Variants in ZBTB5 observed in about 807,000 individuals in gnomAD.
The protein encoded by ZBTB5 is zinc finger and BTB domain-containing protein 5.
A neutral mutation model predicts 37.9 loss-of-function variants in ZBTB5; 15 were observed. That is an observed-to-expected ratio of 0.40 (90% CI 0.26 to 0.61). The LOEUF (loss-of-function observed/expected upper bound fraction) is 0.61, where lower values mean the gene tolerates loss of function less well. Among genes scored for constraint, ZBTB5 ranks in the 20% least tolerant of loss-of-function variants. The pLI is 0.47. For synonymous variants in ZBTB5, 315 were observed against 312.4 expected (o/e 1.01, Z -0.09); for missense variants, 708 against 856.8 (o/e 0.83, Z 2.17).
intron 1 of ZBTB5, among the ~76,000 whole-genome samples, chr9:37,454,650 C>G (rs1463309180): frequency 6.6e-6 from 1 of 152,226 alleles, no homozygotes; most frequent in Admixed American, 6.5e-5. Flanking sequence ...TAATGCTTTA[C>G]TTAGGCTAAT....
In ZBTB5 at chr9:37,461,913, GCTT is replaced by G. The variant is rs1053523386; in HGVS notation, c.-5+3299_-5+3301del. Among the ~76,000 whole-genome samples the G allele has an allele frequency of 3.6e-4, 55 of 152,256 alleles. 2 individuals carry two copies. The highest frequency in any genetic ancestry group is 1.3e-3 in the African/African-American group (55 of 41,538). Reference sequence around the variant, plus strand: ...TAAGGAAAAATATCACGCTCGATAGGCTTCTTTTCAGTAACAAACATTTTCCAG... The same window carrying G: ...TAAGGAAAAATATCACGCTCGATAGGCTTTTCAGTAACAAACATTTTCCAG... On this transcript the variant is annotated intron_variant, in intron 1 of 1. Coordinates refer to ENST00000307750, the MANE Select transcript of ZBTB5 (RefSeq NM_014872.3).
intron 1 of ZBTB5, among the ~76,000 whole-genome samples, chr9:37,455,946 ATTT>A (rs57792865): frequency 7.1e-6 from 1 of 141,552 alleles, no homozygotes; most frequent in African/African-American, 2.6e-5. Context: ...GCAGGCTAGG[ATTT>A]TTTTTTTTTT....
At chr9:37,459,979 G>T (rs2118959983) in intron 1 of ZBTB5, among the ~76,000 whole-genome samples, 1 of 151,614 alleles carries the variant, frequency 6.6e-6, no homozygotes, top group Middle Eastern at 3.4e-3. Context: ...CAAAGTGCTG[G>T]GATTACAGGC....
At position 37,438,945 on chromosome 9, in the gene ZBTB5, G is replaced by C. The variant is rs1308389001; in HGVS notation, c.*1573C>G. ...TGAAATTATCCACACATGTGTAACT[G>C]CACACTCTAGATTAACAGGAGAGAA... On this transcript the variant is annotated 3_prime_UTR_variant, in exon 2 of 2. Coordinates refer to ENST00000307750, the MANE Select transcript of ZBTB5 (RefSeq NM_014872.3). 2 of 152,166 alleles carry C rather than the reference G, an allele frequency of 1.3e-5. No individual in the cohort carries two copies. The highest frequency in any genetic ancestry group is 2.9e-5 in the Non-Finnish European group (2 of 68,032). 9.4% of individuals were successfully genotyped at this position (152,166 alleles called of 1,614,324 possible).
intron 1 of ZBTB5, among the ~76,000 whole-genome samples, chr9:37,443,474 A>G (rs1442326378): frequency 6.6e-6 from 1 of 152,220 alleles, no homozygotes; most frequent in East Asian, 1.9e-4. Context: ...GCACACCCCA[A>G]AAGCGAAAAT....
At chr9:37,446,279 C>T (rs1343109971) in intron 1 of ZBTB5, among the ~76,000 whole-genome samples, 1 of 152,192 alleles carries the variant, frequency 6.6e-6, no homozygotes, top group African/African-American at 2.4e-5. Flanking sequence ...AGTGGCTCCC[C>T]AGGCCCAACC....
chr9:37,454,755 C>T (rs1390398346), intron 1 of ZBTB5, among the ~76,000 whole-genome samples: 1 of 152,230 alleles, frequency 6.6e-6, no homozygotes, highest in African/African-American at 2.4e-5. Flanking sequence ...TAATATACTT[C>T]ATTCATAACA....
At chr9:37,446,150 ATTAAAT>A (rs1823974391) in intron 1 of ZBTB5, among the ~76,000 whole-genome samples, 2 of 152,220 alleles carry the variant, frequency 1.3e-5, no homozygotes, top group South Asian at 4.1e-4. Flanking sequence ...TATTTATAAA[ATTAAAT>A]TTAAAAAAGG....
Position 37,442,157 on chromosome 9 carries a change from C to T in ZBTB5, c.395G>A (p.Arg132His), listed in dbSNP as rs1823896587. The change falls in exon 2 of 2, where the codon CGC (arginine) becomes CAC (histidine). Residue 132 changes from arginine (R) to histidine (H), a missense_variant. Coordinates refer to ENST00000307750, the MANE Select transcript of ZBTB5 (RefSeq NM_014872.3). ...RTLPMSPPSE[R>H]VQEQSARMQR... ...CATGCGGGCGCTCTGCTCCTGAACG[C>T]GCTCACTGGGGGGAGACATGGGCAG... The T allele has an allele frequency of 2.5e-6, 4 of 1,614,208 alleles. No individual in the cohort carries two copies. Among genetic ancestry groups the T allele is most frequent in the East Asian group, 2.2e-5 (1 of 44,890 alleles).
intron 1 of ZBTB5, among the ~76,000 whole-genome samples, chr9:37,461,759 G>T (rs1205419470): frequency 6.6e-6 from 1 of 151,886 alleles, no homozygotes; most frequent in Non-Finnish European, 1.5e-5. Flanking sequence ...TAGGAATAAA[G>T]GCATTTGTAA....
At chr9:37,457,066 G>A (rs965178095) in intron 1 of ZBTB5, among the ~76,000 whole-genome samples, 3 of 152,178 alleles carry the variant, frequency 2.0e-5, no homozygotes, top group African/African-American at 7.2e-5. Context: ...AGGAGTGGCT[G>A]CTTAAATGAA....
intron 1 of ZBTB5, among the ~76,000 whole-genome samples, chr9:37,464,234 C>G (rs1479857236): frequency 6.6e-6 from 1 of 152,232 alleles, no homozygotes; most frequent in African/African-American, 2.4e-5. Flanking sequence ...GCACAGCATT[C>G]TCTTCAACCT....
Position 37,442,031 on chromosome 9 carries a change from G to C in ZBTB5, c.521C>G (p.Ser174Cys), listed in dbSNP as rs756572237. ...GEEQPAPMSS[S>C]MRSNLDQRTP... is the part of the protein sequence containing the mutation. ...GCGCTGATCCAGGTTACTGCGCATGGAAGAGCTCATGGGGGCTGGCTGCTC... is the reference window on the plus strand; with the variant it reads ...GCGCTGATCCAGGTTACTGCGCATGCAAGAGCTCATGGGGGCTGGCTGCTC... Residue 174 changes from serine (S) to cysteine (C), a missense_variant, in exon 2 of 2, where the codon TCC becomes TGC. Physicochemically the swap from Ser to Cys is moderately radical, Grantham distance 112 (BLOSUM62 -1). This residue lies in a region of ZBTB5 where 639 missense variants were observed against 690.5 expected (regional missense o/e 0.93). Coordinates refer to ENST00000307750, the MANE Select transcript of ZBTB5 (RefSeq NM_014872.3). The C allele has an allele frequency of 1.5e-5, 25 of 1,613,744 alleles. No homozygotes were observed. In the East Asian group the frequency reaches 5.3e-4, roughly 35 times the overall value.
At chr9:37,454,496 A>C (rs1014651352) in intron 1 of ZBTB5, among the ~76,000 whole-genome samples, 2 of 152,212 alleles carry the variant, frequency 1.3e-5, no homozygotes, top group African/African-American at 4.8e-5. Context: ...AGCAAGTGTA[A>C]AGTTCAGTAT....
At chr9:37,451,115 A>G (rs1824095606) in intron 1 of ZBTB5, among the ~76,000 whole-genome samples, 1 of 152,032 alleles carries the variant, frequency 6.6e-6, no homozygotes, top group African/African-American at 2.4e-5. Context: ...GCAGGGGTGG[A>G]GGGTGCAGTG....
At chr9:37,462,260 C>A (rs1824306675) in intron 1 of ZBTB5, among the ~76,000 whole-genome samples, 1 of 152,174 alleles carries the variant, frequency 6.6e-6, no homozygotes, top group Non-Finnish European at 1.5e-5. Flanking sequence ...GGTATCCTGT[C>A]TTCAAGGAAG....
rs1235528397 is a variant in ZBTB5 at position 37,441,905 on chromosome 9, T to C, written c.647A>G (p.Asp216Gly). ...RPSIDESAIS[D>G]VTPENGPSGV... Reference sequence around the variant, plus strand: ...TGAAGGCCCATTCTCCGGTGTAACATCTGAAATGGCAGACTCATCTATGGA... The same window carrying C: ...TGAAGGCCCATTCTCCGGTGTAACACCTGAAATGGCAGACTCATCTATGGA... Residue 216 changes from aspartate to glycine, a missense_variant, in exon 2 of 2, where the codon GAT becomes GGT. Around this residue, in one of 3 missense-constraint regions of ZBTB5, gnomAD observed 639 missense variants for 690.5 expected, o/e 0.93. Coordinates refer to ENST00000307750, the MANE Select transcript of ZBTB5 (RefSeq NM_014872.3). 3.1e-6 allele frequency: 5 copies of C among 1,614,044 alleles called. No individual in the cohort carries two copies. The African/African-American group carries it at 6.7e-5, about 22-fold the overall frequency.
intron 1 of ZBTB5, among the ~76,000 whole-genome samples, chr9:37,448,097 C>T (rs1236536509): frequency 6.6e-6 from 1 of 152,098 alleles, no homozygotes; most frequent in Non-Finnish European, 1.5e-5. Context: ...ACTGAGGTAG[C>T]TAAACACAAC....
chr9:37,443,885 T>C (rs1823928850), intron 1 of ZBTB5, among the ~76,000 whole-genome samples: 1 of 151,800 alleles, frequency 6.6e-6, no homozygotes, highest in Non-Finnish European at 1.5e-5. Flanking sequence ...GAGATCGCAC[T>C]GCTGCACTCC....
Sources: allele counts gnomAD v4.1 joint callset (sites outside exome capture counted in the v4.1 genomes callset), GRCh38; gene constraint gnomAD v4.1.1; regional missense constraint gnomAD v4.1.1; transcripts MANE v1.5; gene names NCBI Gene and HGNC (gene_info 2026-07-23, HGNC 2026-07-21).